LPP: variants seen among roughly 807,000 people sequenced by gnomAD.
LPP encodes LIM domain containing preferred translocation partner in lipoma.
A neutral mutation model predicts 60.4 loss-of-function variants in LPP; 38 were observed. That is an observed-to-expected ratio of 0.63 (90% confidence interval 0.49 to 0.83). LPP has a LOEUF of 0.83. Among genes scored for constraint, LPP ranks in the 40% least tolerant of loss-of-function variants. The pLI is 0.00. For missense variants in LPP, 902 were observed against 783.6 expected (o/e 1.15, Z -1.80); for synonymous variants, 328 against 290.8 (o/e 1.13, Z -1.30).
chr3:188,691,273 T>G (rs890199584), intron 7 of LPP, among the ~76,000 whole-genome samples: 5 of 152,228 alleles, frequency 3.3e-5, no homozygotes, highest in African/African-American at 1.2e-4. Context: ...TAATACTACA[T>G]GTAGCTGACT....
rs373067080 is a variant in LPP, at chr3:188,563,460, A to ATATG, written c.429+38674_429+38675insATGT. On this transcript the variant is annotated intron_variant, in intron 6 of 11. Coordinates refer to ENST00000617246, the MANE Select transcript of LPP (RefSeq NM_001375462.1). ...CATTTATGTATACATTTACATATATATGTGTGTGTGTGTGTGTGTGTGTGT... is the reference window on the plus strand; with the variant it reads ...CATTTATGTATACATTTACATATATATATGTGTGTGTGTGTGTGTGTGTGTGTGT... Among the ~76,000 whole-genome samples the ATATG allele has an allele frequency of 3.8e-3, 544 of 142,032 alleles. 4 individuals are homozygous for ATATG. Among genetic ancestry groups the ATATG allele is most frequent in the African/African-American group, 9.9e-3 (374 of 37,626 alleles). The allele number at this position is 142,032 out of a possible 152,430, so 93.2% of individuals were successfully genotyped here. A position where few individuals can be genotyped will look rare whatever the true frequency, so the allele number is the denominator to read the frequency against.
chr3:188,576,006 T>C (rs1183962830), intron 6 of LPP, among the ~76,000 whole-genome samples: 1 of 152,164 alleles, frequency 6.6e-6, no homozygotes, highest in Non-Finnish European at 1.5e-5. Flanking sequence ...AAGAAGCCTG[T>C]CATCTGGATA....
At chr3:188,435,546 T>G (rs891268649) in intron 4 of LPP, among the ~76,000 whole-genome samples, 7 of 152,184 alleles carry the variant, frequency 4.6e-5, no homozygotes, top group Non-Finnish European at 7.3e-5. Flanking sequence ...GAAATATAAA[T>G]TAATACCTGT....
intron 6 of LPP, among the ~76,000 whole-genome samples, chr3:188,527,630 T>A (rs1039369807): frequency 6.6e-6 from 1 of 151,938 alleles, no homozygotes; most frequent in Non-Finnish European, 1.5e-5. Context: ...TGTTCAGCAA[T>A]TTTTTTTGAT....
intron 9 of LPP, among the ~76,000 whole-genome samples, chr3:188,771,230 T>A (rs1185907887): frequency 6.6e-6 from 1 of 152,116 alleles, no homozygotes. Context: ...TGAATTCATT[T>A]GTGATCTTAT....
chr3:188,767,638 C>G (rs1356256221), intron 9 of LPP, among the ~76,000 whole-genome samples: 1 of 152,074 alleles, frequency 6.6e-6, no homozygotes, highest in Non-Finnish European at 1.5e-5. Context: ...GTAGACAGTT[C>G]CTACTGTGGC....
chr3:188,196,750 T>C (rs1168729892), intron 1 of LPP, among the ~76,000 whole-genome samples: 1 of 152,186 alleles, frequency 6.6e-6, no homozygotes, highest in Admixed American at 6.5e-5. Context: ...AGGCAGGAAG[T>C]GGTTTGACCC....
chr3:188,761,401 G>A (rs190943504), intron 9 of LPP, among the ~76,000 whole-genome samples: 54 of 152,244 alleles, frequency 3.5e-4, no homozygotes, highest in African/African-American at 1.3e-3. Context: ...CTTTGCATCT[G>A]TCTTAGGTTC....
chr3:188,233,246 TATCCACTGTGTTTCATGGGG>T (rs1720723914), intron 2 of LPP, among the ~76,000 whole-genome samples: 1 of 152,244 alleles, frequency 6.6e-6, no homozygotes, highest in Non-Finnish European at 1.5e-5. Context: ...ACAAAACCTT[TATCCACTGTGTTTCATGGGG>T]AAGGCTTATT....
At chr3:188,259,738 C>G (rs990421432) in intron 2 of LPP, among the ~76,000 whole-genome samples, 3 of 152,132 alleles carry the variant, frequency 2.0e-5, no homozygotes, top group Non-Finnish European at 2.9e-5. Context: ...CAAAGCTAAT[C>G]TCTTGAGCTA....
rs371996970 is a variant in LPP at position 188,465,075 on chromosome 3, T to C, written c.194-19517T>C. 1.9e-4 allele frequency among the ~76,000 whole-genome samples: 29 copies of C among 151,706 alleles called. No individual in the cohort carries two copies. In the East Asian group the frequency reaches 5.2e-3, roughly 27 times the overall value. The stretch of plus-strand genomic sequence containing the variant: ...CCATGATCTTTTTATCAAATTAGGA[T>C]AATAGGATGACATGGAATTCAGAAG... On this transcript the variant is annotated intron_variant, in intron 4 of 11. Coordinates refer to ENST00000617246, the MANE Select transcript of LPP (RefSeq NM_001375462.1).
rs766522013 is a variant in LPP at position 188,485,796 on chromosome 3, C to CAAAAAAAAAAAAAAAAAA, written c.306+1093_306+1110dup. 9.2e-4 allele frequency among the ~76,000 whole-genome samples: 37 copies of CAAAAAAAAAAAAAAAAAA among 40,138 alleles called. 3 individuals are homozygous for CAAAAAAAAAAAAAAAAAA. The highest frequency in any genetic ancestry group is 3.0e-3 in the African/African-American group (28 of 9,244). 26.3% of individuals were successfully genotyped at this position (40,138 alleles called of 152,430 possible). ...TGGGCGACAGAGCGAGACTCCGTCTCAAAAAAAAAAAAAAAAAATGGAATG... is the reference window on the plus strand; with the variant it reads ...TGGGCGACAGAGCGAGACTCCGTCTCAAAAAAAAAAAAAAAAAAAAAAAAAAAAAAAAAAAATGGAATG... On this transcript the variant is annotated intron_variant, in intron 5 of 11. Coordinates refer to ENST00000617246, the MANE Select transcript of LPP (RefSeq NM_001375462.1).
intron 3 of LPP, among the ~76,000 whole-genome samples, chr3:188,405,737 C>T (rs1346474366): frequency 2.0e-5 from 3 of 152,152 alleles, no homozygotes; most frequent in South Asian, 2.1e-4. Context: ...TTTCCATCCT[C>T]CTACCATAAA....
chr3:188,783,785 T>C (rs1740613682), intron 9 of LPP, among the ~76,000 whole-genome samples: 5 of 152,090 alleles, frequency 3.3e-5, no homozygotes, highest in Admixed American at 2.6e-4. Context: ...CAGGCCCCTA[T>C]CCCTTCATAG....
intron 4 of LPP, among the ~76,000 whole-genome samples, chr3:188,442,870 GA>G (rs1331271411): frequency 2.0e-5 from 3 of 152,152 alleles, no homozygotes; most frequent in Non-Finnish European, 4.4e-5. Flanking sequence ...GCTCTGTGAA[GA>G]AGAAGAAGAG....
chr3:188,841,800 G>A (rs140808155), intron 9 of LPP, among the ~76,000 whole-genome samples: 2 of 152,200 alleles, frequency 1.3e-5, no homozygotes, highest in African/African-American at 4.8e-5. Context: ...TATTCTCTTT[G>A]TAGCAATTGT....
At chr3:188,338,903 T>C (rs1275501198) in intron 2 of LPP, among the ~76,000 whole-genome samples, 4 of 152,202 alleles carry the variant, frequency 2.6e-5, no homozygotes, top group African/African-American at 7.2e-5. Context: ...AAGGACACCA[T>C]GGTTTGTGAA....
Position 188,465,199 on chromosome 3 carries a change from A to T in LPP, c.194-19393A>T, listed in dbSNP as rs145224175. On this transcript the variant is annotated intron_variant, in intron 4 of 11. Coordinates refer to ENST00000617246, the MANE Select transcript of LPP (RefSeq NM_001375462.1). ...AGAGTATACTTCCCCCTTTAGTAAC[A>T]GATAGAAGTGACACCTTGTTGAATT... 2.2e-3 allele frequency among the ~76,000 whole-genome samples: 342 copies of T among 152,298 alleles called. 1 individual carries two copies. The highest frequency in any genetic ancestry group is 3.8e-3 in the Non-Finnish European group (259 of 68,016).
intron 4 of LPP, among the ~76,000 whole-genome samples, chr3:188,439,889 A>C (rs528847064): frequency 1.3e-5 from 2 of 152,322 alleles, no homozygotes; most frequent in African/African-American, 4.8e-5. Flanking sequence ...TGTAACCGAC[A>C]TGTCTAAAGT....
Sources: allele counts gnomAD v4.1 joint callset (sites outside exome capture counted in the v4.1 genomes callset), GRCh38; gene constraint gnomAD v4.1.1; transcripts MANE v1.5; gene names NCBI Gene and HGNC (gene_info 2026-07-23, HGNC 2026-07-21).